The following IGF2BP2 variants were observed in gnomAD, a reference collection of about 807,000 sequenced individuals.
IGF2BP2 encodes insulin-like growth factor 2 mRNA-binding protein 2.
In IGF2BP2, 17 loss-of-function variants were observed where a neutral mutation model predicts 75.8. The observed-to-expected ratio is 0.22, with a 90% CI of 0.15 to 0.34. The LOEUF is 0.34. IGF2BP2 is among the 10% of genes least tolerant of loss of function. IGF2BP2 has a pLI of 1.00. For synonymous variants in IGF2BP2, 288 were observed against 295.6 expected (o/e 0.97, Z 0.26); for missense variants, 516 against 772.4 (o/e 0.67, Z 3.93).
intron 2 of IGF2BP2, among the ~76,000 whole-genome samples, chr3:185,778,189 C>T (rs573127888): frequency 2.0e-5 from 3 of 152,272 alleles, no homozygotes; most frequent in Non-Finnish European, 2.9e-5. Context: ...AGCTGGAGCA[C>T]GTCTTGGCAG....
intron 2 of IGF2BP2, among the ~76,000 whole-genome samples, chr3:185,761,722 C>T (rs1322401183): frequency 6.6e-6 from 1 of 152,206 alleles, no homozygotes; most frequent in Non-Finnish European, 1.5e-5. Flanking sequence ...TGGACCCAAG[C>T]TTTGTTTATA....
intron 2 of IGF2BP2, among the ~76,000 whole-genome samples, chr3:185,757,881 G>C (rs756885475): frequency 3.3e-5 from 5 of 152,110 alleles, no homozygotes; most frequent in African/African-American, 7.2e-5. Context: ...TACAGATCCA[G>C]TCTATCCACA....
intron 2 of IGF2BP2, among the ~76,000 whole-genome samples, chr3:185,710,434 G>A (rs1724640360): frequency 6.6e-6 from 1 of 151,956 alleles, no homozygotes; most frequent in Non-Finnish European, 1.5e-5. Context: ...ATATGCTGAA[G>A]AAAGTAAAAA....
intron 2 of IGF2BP2, among the ~76,000 whole-genome samples, chr3:185,821,387 C>A (rs1275032191): frequency 3.3e-5 from 5 of 152,152 alleles, no homozygotes; most frequent in Non-Finnish European, 7.4e-5. Flanking sequence ...CTTTATTTAA[C>A]TTATACTAAA....
At chr3:185,780,120 G>A (rs1365081094) in intron 2 of IGF2BP2, among the ~76,000 whole-genome samples, 1 of 152,162 alleles carries the variant, frequency 6.6e-6, no homozygotes, top group Non-Finnish European at 1.5e-5. Flanking sequence ...CACTTAGTAT[G>A]ACAGTTGTTT....
At chr3:185,679,123 T>C (rs1719981877) in intron 7 of IGF2BP2, among the ~76,000 whole-genome samples, 1 of 152,228 alleles carries the variant, frequency 6.6e-6, no homozygotes, top group Admixed American at 6.5e-5. Context: ...TAATTACTGA[T>C]AGGGAAGGAC....
chr3:185,736,386 T>C (rs1184728420), intron 2 of IGF2BP2, among the ~76,000 whole-genome samples: 1 of 151,036 alleles, frequency 6.6e-6, no homozygotes, highest in African/African-American at 2.5e-5. Flanking sequence ...CTAACTCCTA[T>C]GGGGTAGAGA....
chr3:185,705,615 T>C (rs376030286), intron 2 of IGF2BP2, among the ~76,000 whole-genome samples: 14 of 152,048 alleles, frequency 9.2e-5, no homozygotes, highest in Admixed American at 7.2e-4. Context: ...TTTGGACTAC[T>C]ATAACAAAAC....
In IGF2BP2 at chr3:185,644,315, A is replaced by G. The variant is rs1046606403; in HGVS notation, c.*1216T>C. The G allele has an allele frequency of 1.4e-5, 2 of 144,450 alleles. No individual in the cohort carries two copies. Among genetic ancestry groups the G allele is most frequent in the Non-Finnish European group, 3.1e-5 (2 of 65,562 alleles). The allele number at this position is 144,450 out of a possible 1,614,324, so 8.9% of individuals were successfully genotyped here. On this transcript the variant is annotated 3_prime_UTR_variant, in exon 16 of 16. Transcript: ENST00000382199. ...TTGGTAAATTTCTACTTTCCTCCAC[A>G]TTTTTTTTTTTTAAAGAAAGGAATC...
chr3:185,665,990 GTAGATAGGTACATAGA>G (rs1717519384), intron 10 of IGF2BP2, among the ~76,000 whole-genome samples: 2 of 144,116 alleles, frequency 1.4e-5, no homozygotes, highest in African/African-American at 5.2e-5. Flanking sequence ...AGATAGATAG[GTAGATAGGTACATAGA>G]TAGATAGATA....
intron 2 of IGF2BP2, among the ~76,000 whole-genome samples, chr3:185,796,564 C>CA (rs60331633): frequency 0.041 from 2,913 of 71,194 alleles, 121 homozygotes; most frequent in East Asian, 0.17. Context: ...CATTCCGTCT[C>CA]AAAAAAAAAA....
At chr3:185,662,275 C>G (rs1416527073) in intron 10 of IGF2BP2, among the ~76,000 whole-genome samples, 2 of 152,042 alleles carry the variant, frequency 1.3e-5, no homozygotes, top group East Asian at 3.9e-4. Flanking sequence ...GTCAGGAGTT[C>G]AAGACCAGCC....
intron 2 of IGF2BP2, among the ~76,000 whole-genome samples, chr3:185,756,188 TC>T (rs1731591607): frequency 6.6e-6 from 1 of 151,986 alleles, no homozygotes; most frequent in Non-Finnish European, 1.5e-5. Flanking sequence ...GTCTGGGACC[TC>T]CCCCTTCTCA....
In IGF2BP2 at chr3:185,665,530, G is replaced by A. The variant is rs893879711; in HGVS notation, c.1200+7011C>T. On this transcript the variant is annotated intron_variant, in intron 10 of 15. Coordinates refer to ENST00000382199, the MANE Select transcript of IGF2BP2 (RefSeq NM_006548.6). ...GGAGGAGGAGGAGAAGGAGGAGGAG[G>A]AGAAGGAGGAGGAGGAGAAGGAGGA... is the stretch of plus-strand genomic sequence containing the variant. Among the ~76,000 whole-genome samples the A allele has an allele frequency of 1.2e-4, 16 of 130,732 alleles. 1 individual carries two copies. Among genetic ancestry groups the A allele is most frequent in the South Asian group, 2.7e-4 (1 of 3,738 alleles). The allele number at this position is 130,732 out of a possible 152,430, so 85.8% of individuals were successfully genotyped here. A position where few individuals can be genotyped will look rare whatever the true frequency, so the allele number is the denominator to read the frequency against.
At chr3:185,710,524 G>C (rs1364057358) in intron 2 of IGF2BP2, among the ~76,000 whole-genome samples, 1 of 152,132 alleles carries the variant, frequency 6.6e-6, no homozygotes, top group Non-Finnish European at 1.5e-5. Context: ...CTTGAGATCA[G>C]GAATTCAAGA....
At chr3:185,674,119 G>T (rs1718932165) in intron 9 of IGF2BP2, among the ~76,000 whole-genome samples, 1 of 152,130 alleles carries the variant, frequency 6.6e-6, no homozygotes, top group Admixed American at 6.5e-5. Context: ...GAGTATAGAG[G>T]GTACAACAGA....
At position 185,820,925 on chromosome 3, in the gene IGF2BP2, C is replaced by G; in HGVS notation, c.239+2228G>C. On this transcript the variant is annotated intron_variant, in intron 2 of 15. Transcript: ENST00000382199. ...TTAACACTGCCAAATTTACTTCTAA[C>G]TTGTTAATATTCACAGAAATGCAAC... 4 of 1,367,990 alleles carry G rather than the reference C, an allele frequency of 2.9e-6. No individual in the cohort carries two copies. In the South Asian group the frequency reaches 5.4e-5, roughly 18 times the overall value. The allele number at this position is 1,367,990 out of a possible 1,614,324, so 84.7% of individuals were successfully genotyped here.
At chr3:185,819,505 T>C (rs2150056503) in intron 2 of IGF2BP2, among the ~76,000 whole-genome samples, 1 of 152,196 alleles carries the variant, frequency 6.6e-6, no homozygotes, top group African/African-American at 2.4e-5. Context: ...CTATTTTAAC[T>C]CTAATACTTA....
intron 10 of IGF2BP2, 60 bp from the exon 11 acceptor site, chr3:185,658,469 G>C: frequency 3.5e-6 from 5 of 1,428,240 alleles, no homozygotes; most frequent in Non-Finnish European, 4.9e-6. Flanking sequence ...ACTGGCCTCA[G>C]GGAGGCCAGA....
Sources: gnomAD v4.1 joint callset for allele counts (sites outside exome capture counted in the v4.1 genomes callset) on GRCh38, gnomAD v4.1.1 for gene constraint, MANE v1.5 for transcripts, NCBI Gene and HGNC (gene_info 2026-07-23, HGNC 2026-07-21) for gene names.